NRCAM: variants seen among roughly 807,000 people sequenced by gnomAD.
The protein encoded by NRCAM is NgCAM-related cell adhesion molecule.
In NRCAM, 83 loss-of-function variants were observed where a neutral mutation model predicts 156.5. The observed-to-expected ratio is 0.53, with a 90% confidence interval of 0.44 to 0.64. NRCAM has a LOEUF of 0.64. NRCAM is among the 30% of genes least tolerant of loss of function. The pLI is 0.00. For synonymous variants in NRCAM, 538 were observed against 563.9 expected (o/e 0.95, Z 0.65); for missense variants, 1,417 against 1,597.3 (o/e 0.89, Z 1.92).
intron 2 of NRCAM, among the ~76,000 whole-genome samples, chr7:108,390,439 T>C (rs996548756): frequency 6.6e-6 from 1 of 152,260 alleles, no homozygotes; most frequent in Non-Finnish European, 1.5e-5. Context: ...CATTTTTTAT[T>C]GCATCTATTT....
chr7:108,409,660 C>T (rs1473787099), intron 1 of NRCAM, among the ~76,000 whole-genome samples: 1 of 152,172 alleles, frequency 6.6e-6, no homozygotes, highest in African/African-American at 2.4e-5. Flanking sequence ...ATGGCTTCCC[C>T]CATGTTCTAA....
chr7:108,449,215 T>C lies in NRCAM; in HGVS notation c.-332+7028A>G. 1.3e-5 allele frequency among the ~76,000 whole-genome samples: 2 copies of C among 152,176 alleles called. 1 individual carries two copies. Among genetic ancestry groups the C allele is most frequent in the Non-Finnish European group, 2.9e-5 (2 of 68,030 alleles). On this transcript the variant is annotated intron_variant, in intron 1 of 32. Coordinates refer to ENST00000379028, the MANE Select transcript of NRCAM (RefSeq NM_001037132.4). The stretch of plus-strand genomic sequence containing the variant: ...GGTGTGCCATCCAGCTCTATGTAGG[T>C]TGTTCCAACACCATCTGTCACTTAA...
At chr7:108,183,552 T>C (rs2064815175) in intron 22 of NRCAM, among the ~76,000 whole-genome samples, 1 of 151,994 alleles carries the variant, frequency 6.6e-6, no homozygotes, top group East Asian at 1.9e-4. Flanking sequence ...TTTTTTCTTT[T>C]TGGAGATGGA....
intron 3 of NRCAM, among the ~76,000 whole-genome samples, chr7:108,298,032 G>T (rs2098485828): frequency 6.6e-6 from 1 of 152,282 alleles, no homozygotes; most frequent in Non-Finnish European, 1.5e-5. Context: ...GCAGAGTCAG[G>T]ACAGGGCTTT....
At chr7:108,362,410 C>T (rs2099561479) in intron 2 of NRCAM, among the ~76,000 whole-genome samples, 3 of 152,162 alleles carry the variant, frequency 2.0e-5, no homozygotes, top group African/African-American at 7.2e-5. Flanking sequence ...CAGACCATAA[C>T]AATGGGTGAA....
At chr7:108,255,723 C>G (rs971390332) in intron 3 of NRCAM, among the ~76,000 whole-genome samples, 1 of 150,400 alleles carries the variant, frequency 6.6e-6, no homozygotes, top group African/African-American at 2.5e-5. Flanking sequence ...ATGTGAGGAG[C>G]GCCTCTGCCC....
chr7:108,353,470 C>A (rs1490667822), intron 2 of NRCAM, among the ~76,000 whole-genome samples: 1 of 134,090 alleles, frequency 7.5e-6, no homozygotes, highest in Non-Finnish European at 1.6e-5. Flanking sequence ...CAGGCATGTG[C>A]CACCACACCC....
intron 3 of NRCAM, among the ~76,000 whole-genome samples, chr7:108,241,093 C>A (rs2095492340): frequency 6.6e-6 from 1 of 152,116 alleles, no homozygotes; most frequent in Non-Finnish European, 1.5e-5. Flanking sequence ...CAGCTGATCA[C>A]CCGAACTAGA....
intron 2 of NRCAM, among the ~76,000 whole-genome samples, chr7:108,319,555 C>A (rs1183291119): frequency 6.6e-6 from 1 of 152,156 alleles, no homozygotes; most frequent in African/African-American, 2.4e-5. Flanking sequence ...AGCTTATGGT[C>A]AATGGCAGAA....
intron 3 of NRCAM, among the ~76,000 whole-genome samples, chr7:108,287,253 C>T (rs1357377722): frequency 2.0e-5 from 3 of 151,644 alleles, no homozygotes; most frequent in South Asian, 2.1e-4. Flanking sequence ...AAAACTCTTC[C>T]GAACATTGGT....
At chr7:108,430,901 T>C (rs1346776563) in intron 1 of NRCAM, among the ~76,000 whole-genome samples, 1 of 152,110 alleles carries the variant, frequency 6.6e-6, no homozygotes, top group Non-Finnish European at 1.5e-5. Flanking sequence ...ACCCAACCCA[T>C]ACTGCACTGT....
chr7:108,187,661 G>A (rs1174312736), intron 20 of NRCAM, among the ~76,000 whole-genome samples: 1 of 152,144 alleles, frequency 6.6e-6, no homozygotes, highest in Non-Finnish European at 1.5e-5. Flanking sequence ...AATTAGAAGT[G>A]CAAGAGGTGG....
At chr7:108,182,562 G>C in intron 23 of NRCAM, 133 bp downstream of exon 23, 1 of 717,132 alleles carries the variant, frequency 1.4e-6, no homozygotes, top group Non-Finnish European at 2.4e-6. Flanking sequence ...ACAGCAGGCT[G>C]TTTAAATTCA....
chr7:108,235,295 A>G (rs1394608758), intron 5 of NRCAM, among the ~76,000 whole-genome samples: 2 of 152,174 alleles, frequency 1.3e-5, no homozygotes, highest in Non-Finnish European at 2.9e-5. Flanking sequence ...CCTAGGAGAC[A>G]GTGTTCCCAT....
chr7:108,187,540 T>C (rs2067720099), intron 20 of NRCAM, among the ~76,000 whole-genome samples: 1 of 151,640 alleles, frequency 6.6e-6, no homozygotes. Flanking sequence ...TAGCTCCACA[T>C]GTCTTTCTGC....
chr7:108,353,052 T>TAAA (rs58322692), intron 2 of NRCAM, among the ~76,000 whole-genome samples: 24 of 143,764 alleles, frequency 1.7e-4, no homozygotes, highest in African/African-American at 5.1e-4. Flanking sequence ...GTGCTCATTG[T>TAAA]AAAAAAAAAA....
chr7:108,304,949 C>A (rs568071214), intron 3 of NRCAM, among the ~76,000 whole-genome samples: 1 of 152,242 alleles, frequency 6.6e-6, no homozygotes, highest in Non-Finnish European at 1.5e-5. Context: ...TACCTCCTTG[C>A]TGAACTTGGA....
chr7:108,236,329 T>C (rs2094991325), intron 5 of NRCAM, among the ~76,000 whole-genome samples: 1 of 152,190 alleles, frequency 6.6e-6, no homozygotes, highest in Non-Finnish European at 1.5e-5. Flanking sequence ...ACTGTCATCA[T>C]TTATTGTGTA....
intron 1 of NRCAM, among the ~76,000 whole-genome samples, chr7:108,399,845 A>C (rs1295298791): frequency 6.6e-6 from 1 of 152,240 alleles, no homozygotes; most frequent in Non-Finnish European, 1.5e-5. Flanking sequence ...TGTAGGACAG[A>C]AGTCTGAATT....
Sources: allele counts gnomAD v4.1 joint callset (sites outside exome capture counted in the v4.1 genomes callset), GRCh38; gene constraint gnomAD v4.1.1; transcripts MANE v1.5; gene names NCBI Gene and HGNC (gene_info 2026-07-23, HGNC 2026-07-21).